ZNF253: variants seen among roughly 807,000 people sequenced by gnomAD.
ZNF253 encodes the protein zinc finger protein 253.
ZNF253 carries 8 observed loss-of-function variants against 11.9 expected under a neutral mutation model. The observed-to-expected ratio is 0.67, with a 90% CI of 0.40 to 1.22. ZNF253 has a LOEUF of 1.22. Ranked by LOEUF, ZNF253 falls within the 50% of genes most tolerant of loss-of-function variation. The pLI is 0.01. For synonymous variants in ZNF253, 194 were observed against 194.9 expected (o/e 1.00, Z 0.04); for missense variants, 485 against 586.9 (o/e 0.83, Z 1.79).
chr19:19,885,233 TTCTTTCTTTCTTTCTTTCTTTC>T (rs2063194598), intron 3 of ZNF253, among the ~76,000 whole-genome samples: 1 of 52,898 alleles, frequency 1.9e-5, no homozygotes, highest in Non-Finnish European at 3.0e-5. Flanking sequence ...CTTTCTTTCT[TTCTTTCTTTCTTTCTTTCTTTC>T]TTTCTTTCTT....
At chr19:19,887,464 T>G (rs1361660116) in intron 3 of ZNF253, among the ~76,000 whole-genome samples, 1 of 151,716 alleles carries the variant, frequency 6.6e-6, no homozygotes, top group Non-Finnish European at 1.5e-5. Flanking sequence ...ACCTGGCTAA[T>G]TTTTTTGTAT....
rs2063241795 is a variant in ZNF253, at chr19:19,893,268, ATG to A, written c.*522_*523del. On this transcript the variant is annotated 3_prime_UTR_variant, in exon 4 of 4. Coordinates refer to ENST00000589717, the MANE Select transcript of ZNF253 (RefSeq NM_021047.3). ...GCTGGGGTTACAGGCGTGAGCCACC[ATG>A]CCTGGCTACAAGTTCTTAATTCTTA... 1 of 65,676 alleles carries A rather than the reference ATG, an allele frequency of 1.5e-5. No individual in the cohort carries two copies. Among genetic ancestry groups the A allele is most frequent in the African/African-American group, 1.6e-4 (1 of 6,150 alleles). 4.1% of individuals were successfully genotyped at this position (65,676 alleles called of 1,614,324 possible).
intron 1 of ZNF253, among the ~76,000 whole-genome samples, chr19:19,878,017 A>G (rs1204975995): frequency 1.3e-5 from 2 of 152,098 alleles, no homozygotes; most frequent in Non-Finnish European, 2.9e-5. Flanking sequence ...CATTCGCATT[A>G]GAGATGAGCT....
At chr19:19,883,622 A>G (rs1388406527) in intron 3 of ZNF253, among the ~76,000 whole-genome samples, 2 of 152,182 alleles carry the variant, frequency 1.3e-5, no homozygotes, top group African/African-American at 4.8e-5. Flanking sequence ...TCACACTGTT[A>G]TGCAAAAGAC....
chr19:19,869,987 C>A (rs1007126931), intron 1 of ZNF253, among the ~76,000 whole-genome samples: 1 of 151,976 alleles, frequency 6.6e-6, no homozygotes, highest in African/African-American at 2.4e-5. Flanking sequence ...ATAGTATGAA[C>A]ATAAAGCCAC....
chr19:19,869,879 C>T (rs979580768), intron 1 of ZNF253, among the ~76,000 whole-genome samples: 3 of 151,618 alleles, frequency 2.0e-5, no homozygotes, highest in South Asian at 2.1e-4. Context: ...CCATGTTGGT[C>T]AGACTGGTCT....
chr19:19,880,594 A>T (rs2063173942), intron 3 of ZNF253, among the ~76,000 whole-genome samples: 1 of 152,030 alleles, frequency 6.6e-6, no homozygotes, highest in African/African-American at 2.4e-5. Flanking sequence ...AATCCCAGCT[A>T]CTTGGGAGGC....
chr19:19,888,888 G>A (rs1274829996), intron 3 of ZNF253, among the ~76,000 whole-genome samples: 2 of 152,124 alleles, frequency 1.3e-5, no homozygotes, highest in African/African-American at 4.8e-5. Flanking sequence ...GATAGGTAGG[G>A]CATATGCAGT....
In ZNF253 at chr19:19,885,275, CTTT is replaced by C. The variant is rs1568498792; in HGVS notation, c.226+5130_226+5132del. Among the ~76,000 whole-genome samples, 88 of 45,526 alleles carry C rather than the reference CTTT, an allele frequency of 1.9e-3. 9 individuals are homozygous for C. The highest frequency in any genetic ancestry group is 0.016 in the African/African-American group (68 of 4,238). 29.9% of individuals were successfully genotyped at this position (45,526 alleles called of 152,430 possible). A position where few individuals can be genotyped will look rare whatever the true frequency, so the allele number is the denominator to read the frequency against. On this transcript the variant is annotated intron_variant, in intron 3 of 3. Transcript: ENST00000589717. ...TCTTTCTTTCTTTCTTTCTTTCTTT[CTTT>C]CTTTCTTTCTTTCTCTTTCTTTTCT... is the stretch of plus-strand genomic sequence containing the variant.
intron 3 of ZNF253, among the ~76,000 whole-genome samples, chr19:19,885,291 CTCTTTCT>C (rs1408018408): frequency 0.029 from 698 of 24,178 alleles, 66 homozygotes; most frequent in African/African-American, 0.14. Flanking sequence ...TTCTTTCTTT[CTCTTTCT>C]TTTCTTTCTT....
chr19:19,879,871 T>C (rs778460660), intron 2 of ZNF253, among the ~76,000 whole-genome samples, 180 bp from the exon 3 acceptor site: 63 of 152,326 alleles, frequency 4.1e-4, no homozygotes, highest in Non-Finnish European at 7.5e-4. Context: ...TATCAGATAG[T>C]AAAATAAGAA....
At chr19:19,881,838 AT>A (rs58532418) in intron 3 of ZNF253, among the ~76,000 whole-genome samples, 2 of 151,076 alleles carry the variant, frequency 1.3e-5, no homozygotes, top group Admixed American at 6.6e-5. Flanking sequence ...ATTTCAATGG[AT>A]TTTTTTTTAT....
upstream of ZNF253, chr19:19,865,873 G>T (rs1304500463): frequency 1.6e-6 from 2 of 1,248,364 alleles, no homozygotes; most frequent in African/African-American, 1.5e-5. Context: ...GCTGCAGCGG[G>T]AGCTCCAGGT....
chr19:19,882,901 G>A (rs1210362342), intron 3 of ZNF253, among the ~76,000 whole-genome samples: 2 of 151,542 alleles, frequency 1.3e-5, no homozygotes, highest in African/African-American at 2.4e-5. Flanking sequence ...AACCTGGGAA[G>A]CAGAGGTTGC....
At chr19:19,883,634 T>C (rs991299893) in intron 3 of ZNF253, among the ~76,000 whole-genome samples, 1 of 152,148 alleles carries the variant, frequency 6.6e-6, no homozygotes. Flanking sequence ...GCAAAAGACT[T>C]CTAGAAACTT....
At chr19:19,881,597 C>T (rs1480547322) in intron 3 of ZNF253, among the ~76,000 whole-genome samples, 4 of 148,550 alleles carry the variant, frequency 2.7e-5, no homozygotes, top group South Asian at 2.1e-4. Context: ...TTCAGTGAGC[C>T]GAGATCACCC....
intron 1 of ZNF253, 121 bp from the exon 2 acceptor site, chr19:19,878,360 A>G: frequency 6.6e-7 from 1 of 1,525,730 alleles, no homozygotes; most frequent in East Asian, 2.3e-5. Flanking sequence ...ATTTTATTGG[A>G]TAATTTTAGG....
In ZNF253 at chr19:19,866,616, A is replaced by G. The variant is rs536990771; in HGVS notation, c.3+617A>G. On this transcript the variant is annotated intron_variant, in intron 1 of 3. Transcript: ENST00000589717. ...CGGGTTCAAGTGATTCTCCTGCCTCAGCCTCCCGAGTAGCTGGGGTTACAG... is the reference window on the plus strand; with the variant it reads ...CGGGTTCAAGTGATTCTCCTGCCTCGGCCTCCCGAGTAGCTGGGGTTACAG... Among the ~76,000 whole-genome samples, 1,023 of 151,274 alleles carry G rather than the reference A, an allele frequency of 6.8e-3. 9 individuals carry two copies. Among genetic ancestry groups the G allele is most frequent in the Non-Finnish European group, 0.01 (691 of 67,892 alleles).
At chr19:19,870,207 A>G (rs186726267) in intron 1 of ZNF253, among the ~76,000 whole-genome samples, 91 of 152,032 alleles carry the variant, frequency 6.0e-4, no homozygotes, top group Non-Finnish European at 3.1e-4. Context: ...CACCAGCCTG[A>G]CATGGTGTAA....
Sources: allele counts gnomAD v4.1 joint callset (sites outside exome capture counted in the v4.1 genomes callset), GRCh38; gene constraint gnomAD v4.1.1; transcripts MANE v1.5; gene names NCBI Gene and HGNC (gene_info 2026-07-23, HGNC 2026-07-21).